The following SLC26A8 variants were observed in gnomAD, a reference collection of about 807,000 sequenced individuals.
The protein encoded by SLC26A8 is solute carrier family 26 member 8.
In SLC26A8, 70 loss-of-function variants were observed where a neutral mutation model predicts 105.0. The ratio of observed to expected loss-of-function variants is 0.67; its 90% CI spans 0.55 to 0.81. The LOEUF is 0.81. Among genes scored for constraint, SLC26A8 ranks in the 40% least tolerant of loss-of-function variants. SLC26A8 has a pLI of 0.00. For missense variants in SLC26A8, 998 were observed against 1,181.8 expected, an observed-to-expected ratio of 0.84 and a Z score of 2.28; for synonymous variants, 415 against 438.3, an observed-to-expected ratio of 0.95 and a Z score of 0.66.
intron 1 of SLC26A8, among the ~76,000 whole-genome samples, chr6:36,022,046 C>T (rs1762139831): frequency 6.6e-6 from 1 of 152,066 alleles, no homozygotes; most frequent in African/African-American, 2.4e-5. Flanking sequence ...TAGCTCACTG[C>T]AACCTCCACC....
At chr6:35,975,624 T>C in intron 9 of SLC26A8, 136 bp from the exon 10 acceptor site, 2 of 583,744 alleles carry the variant, frequency 3.4e-6, no homozygotes, top group South Asian at 4.4e-5. Flanking sequence ...ATTGAAATAT[T>C]ATTAGAAGGC....
At position 35,968,609 on chromosome 6, in the gene SLC26A8, G is replaced by GTATA. The variant is rs55987809; in HGVS notation, c.1365+264_1365+267dup. The stretch of plus-strand genomic sequence containing the variant: ...TGTGTATGTGTGTGTGTGTGTGTGT[G>GTATA]TATATATATATATATATATATATAT... On this transcript the variant is annotated intron_variant, in intron 11 of 19. Transcript: ENST00000490799. Among the ~76,000 whole-genome samples, 353 of 59,918 alleles carry GTATA rather than the reference G, an allele frequency of 5.9e-3. 5 individuals carry two copies. The highest frequency in any genetic ancestry group is 0.019 in the East Asian group (26 of 1,386). The allele number at this position is 59,918 out of a possible 152,430, so 39.3% of individuals were successfully genotyped here.
rs370122961 is a variant in SLC26A8, at chr6:36,019,607, G to A, written c.101C>T (p.Thr34Ile). ...CTTCCTTTTGTGTTCCTGTTGAAAG[G>A]TCTCCTCATTGTATACTTCACGCTT... ...DVKREVYNEE[T>I]FQQEHKRKAS... The change falls in exon 2 of 20, where the codon ACC becomes ATC. Residue 34 changes from threonine to isoleucine, a missense_variant. Coordinates refer to ENST00000490799, the MANE Select transcript of SLC26A8 (RefSeq NM_052961.4). 12 of 1,614,016 alleles carry A rather than the reference G, an allele frequency of 7.4e-6. No individual in the cohort carries two copies. Among genetic ancestry groups the A allele is most frequent in the South Asian group, 6.6e-5 (6 of 91,060 alleles).
At chr6:36,023,941 C>T (rs896496420) in intron 1 of SLC26A8, among the ~76,000 whole-genome samples, 4 of 152,100 alleles carry the variant, frequency 2.6e-5, no homozygotes, top group Admixed American at 2.6e-4. Context: ...ATAGGACAAC[C>T]ACCTTCCATG....
intron 8 of SLC26A8, among the ~76,000 whole-genome samples, chr6:35,980,058 C>T (rs1178359890): frequency 4.6e-5 from 7 of 152,190 alleles, no homozygotes; most frequent in Admixed American, 4.6e-4. Context: ...TTGCAACCTC[C>T]AACTCCCGGG....
Position 35,944,339 on chromosome 6 carries a change from T to C in SLC26A8, c.2474A>G (p.Asn825Ser). ...GCTCATTTTATATCTTGAATTGTCA[T>C]TCTGAAATACAATTAGGTGGGTTAA... The part of the protein sequence containing the change: ...IRETYSETDK[N>S]DNSRYKMSSS... The change falls in exon 20 of 20, where the codon AAT becomes AGT. Residue 825 changes from asparagine (N) to serine (S), a missense_variant and splice_region_variant. Transcript: ENST00000490799. 4 of 1,602,410 alleles carry C rather than the reference T, an allele frequency of 2.5e-6. No homozygotes were observed. Among genetic ancestry groups the C allele is most frequent in the Non-Finnish European group, 3.4e-6 (4 of 1,170,178 alleles).
At chr6:36,010,312 A>T (rs1427257793) in intron 3 of SLC26A8, among the ~76,000 whole-genome samples, 3 of 152,230 alleles carry the variant, frequency 2.0e-5, no homozygotes, top group Non-Finnish European at 4.4e-5. Context: ...GGCACAATGC[A>T]TAATGAAAGA....
At chr6:35,949,809 GT>G (rs1562014393) in intron 19 of SLC26A8, among the ~76,000 whole-genome samples, 1 of 149,996 alleles carries the variant, frequency 6.7e-6, no homozygotes, top group Admixed American at 6.7e-5. Context: ...GTGTGTGTGT[GT>G]TTTTTTGTTT....
Position 35,944,784 on chromosome 6 carries a change from G to C in SLC26A8, c.2473-444C>G, listed in dbSNP as rs1193346476. On this transcript the variant is annotated intron_variant, in intron 19 of 19. Coordinates refer to ENST00000490799, the MANE Select transcript of SLC26A8 (RefSeq NM_052961.4). ...AATTTCAGAATACAACAGGACTTAA[G>C]GTACCAGAACCATGGGTTCCTTGCA... Among the ~76,000 whole-genome samples, 4 of 151,982 alleles carry C rather than the reference G, an allele frequency of 2.6e-5. No homozygotes were observed. The East Asian group carries it at 7.7e-4, about 29-fold the overall frequency.
chr6:35,944,010 A>G lies in SLC26A8; in HGVS notation c.2803T>C (p.Ser935Pro). The G allele has an allele frequency of 1.2e-6, 2 of 1,614,088 alleles. No individual in the cohort carries two copies. Among genetic ancestry groups the G allele is most frequent in the Non-Finnish European group, 1.7e-6 (2 of 1,179,982 alleles). ...GTCTGAGACTGGGTGGAAGCCATAG[A>G]CGGATGATACATAGGCCAGTAACGC... ...QQRYWPMYHP[S>P]MASTQSQTQT... is the part of the protein sequence containing the mutation. The change falls in exon 20 of 20, where the codon TCT becomes CCT. Residue 935 changes from serine (S) to proline (P), a missense_variant. By Grantham distance (74) the Ser-to-Pro change is moderately conservative (BLOSUM62 -1). Transcript: ENST00000490799.
chr6:36,019,816 A>G, intron 1 of SLC26A8, 107 bp from the exon 2 acceptor site: 1 of 1,022,418 alleles, frequency 9.8e-7, no homozygotes, highest in Non-Finnish European at 1.4e-6. Context: ...TTACACTTGC[A>G]TAGCATCTTT....
chr6:36,024,622 G>C lies in SLC26A8; in HGVS notation c.-121C>G, dbSNP rs1005040558. The C allele has an allele frequency of 1.1e-4, 41 of 382,546 alleles. No homozygotes were observed. The Admixed American group carries it at 1.3e-3, about 12-fold the overall frequency. 23.7% of individuals were successfully genotyped at this position (382,546 alleles called of 1,614,324 possible). ...TTCCCGAGCCGTTGTGGCCTAGCCC[G>C]CGGGCGTTCCGGGCGGGCTGAGGAG... On this transcript the variant is annotated 5_prime_UTR_variant, in exon 1 of 20. Coordinates refer to ENST00000490799, the MANE Select transcript of SLC26A8 (RefSeq NM_052961.4).
chr6:36,010,222 C>T (rs1022246248), intron 3 of SLC26A8, among the ~76,000 whole-genome samples: 4 of 152,028 alleles, frequency 2.6e-5, no homozygotes, highest in African/African-American at 4.8e-5. Flanking sequence ...AAACAAGCTG[C>T]GATGTATCCA....
intron 10 of SLC26A8, among the ~76,000 whole-genome samples, chr6:35,972,341 A>G (rs1269478975): frequency 2.6e-5 from 4 of 151,576 alleles, no homozygotes; most frequent in African/African-American, 9.7e-5. Context: ...GGCTGAAGTG[A>G]GAAGATCACT....
At chr6:35,975,604 G>T in intron 9 of SLC26A8, 116 bp from the exon 10 acceptor site, 1 of 600,204 alleles carries the variant, frequency 1.7e-6, no homozygotes, top group Non-Finnish European at 2.9e-6. Context: ...TGCATCACTT[G>T]AAATAACAGA....
At chr6:35,952,483 C>T (rs993660655) in intron 17 of SLC26A8, among the ~76,000 whole-genome samples, 2 of 152,134 alleles carry the variant, frequency 1.3e-5, no homozygotes, top group Non-Finnish European at 2.9e-5. Context: ...AAATCAATAT[C>T]GACTTTAATA....
Position 35,961,056 on chromosome 6 carries a change from A to G in SLC26A8, c.1505T>C (p.Leu502Pro), listed in dbSNP as rs1371025872. ...MTFSSSIFLG[L>P]DIGLIISVVS... is the part of the protein sequence containing the mutation. The stretch of plus-strand genomic sequence containing the variant: ...TACTGAGATAATTAGTCCAATGTCC[A>G]GTCCCAGGAAAATTGAAGATGAGAA... The change falls in exon 13 of 20, where the codon CTG becomes CCG. Residue 502 changes from leucine to proline, a missense_variant. Coordinates refer to ENST00000490799, the MANE Select transcript of SLC26A8 (RefSeq NM_052961.4). 1 of 1,614,078 alleles carries G rather than the reference A, an allele frequency of 6.2e-7. No individual in the cohort carries two copies. The highest frequency in any genetic ancestry group is 1.1e-5 in the South Asian group (1 of 91,094).
chr6:35,992,340 G>T (rs1005249968), intron 6 of SLC26A8, among the ~76,000 whole-genome samples, 170 bp downstream of exon 6: 1 of 152,134 alleles, frequency 6.6e-6, no homozygotes, highest in African/African-American at 2.4e-5. Flanking sequence ...AATTAATCAA[G>T]ACCCTAATTC....
rs1394442640 is a variant in SLC26A8, at chr6:35,997,911, A to G, written c.454T>C (p.Phe152Leu). ...SCHQMSIGSF[F>L]LVSALLINVL... ...TTGATCAGCAGAGCACTCACCAGGA[A>G]GAAGGAACCTGTGGAAGAAGATGTT... Residue 152 changes from phenylalanine to leucine, a missense_variant, in exon 5 of 20, where the codon TTC becomes CTC. Physicochemically the swap from Phe to Leu is conservative, Grantham distance 22. Transcript: ENST00000490799. 1.2e-6 allele frequency: 2 copies of G among 1,613,782 alleles called. No individual in the cohort carries two copies. The highest frequency in any genetic ancestry group is 1.7e-6 in the Non-Finnish European group (2 of 1,179,838).
Sources: gnomAD v4.1 joint callset for allele counts (sites outside exome capture counted in the v4.1 genomes callset) on GRCh38, gnomAD v4.1.1 for gene constraint, MANE v1.5 for transcripts, NCBI Gene and HGNC (gene_info 2026-07-23, HGNC 2026-07-21) for gene names.